The following ERBB4 variants were observed in gnomAD, a reference collection of about 807,000 sequenced individuals.
ERBB4 encodes the protein erb-b2 receptor tyrosine kinase 4.
ERBB4 carries 42 observed loss-of-function variants against 158.0 expected under a neutral mutation model. That is an observed-to-expected ratio of 0.27 (90% confidence interval 0.21 to 0.34). The LOEUF is 0.34. Ranked by LOEUF, ERBB4 falls within the 10% of genes least tolerant of loss-of-function variation. The pLI, the probability that ERBB4 is intolerant of heterozygous loss-of-function variation, is 1.00. For missense variants in ERBB4, 1,333 were observed against 1,624.1 expected, an observed-to-expected ratio of 0.82 and a Z score of 3.08; for synonymous variants, 583 against 558.7, an observed-to-expected ratio of 1.04 and a Z score of -0.61.
chr2:211,882,589 A>G (rs1178156173), intron 3 of ERBB4, among the ~76,000 whole-genome samples: 1 of 152,208 alleles, frequency 6.6e-6, no homozygotes, highest in African/African-American at 2.4e-5. Context: ...GAGGCACAGC[A>G]ATGTTCTGAA....
chr2:211,749,423 G>A (rs2075064226), intron 5 of ERBB4, among the ~76,000 whole-genome samples: 2 of 151,886 alleles, frequency 1.3e-5, no homozygotes, highest in African/African-American at 2.4e-5. Context: ...TACTTCCTTG[G>A]GTATGCATAA....
intron 3 of ERBB4, among the ~76,000 whole-genome samples, chr2:211,890,473 G>A (rs1357325885): frequency 2.0e-5 from 3 of 151,846 alleles, no homozygotes; most frequent in Admixed American, 6.6e-5. Context: ...ACAGACCATC[G>A]AGACTAGGAA....
intron 25 of ERBB4, among the ~76,000 whole-genome samples, chr2:211,398,076 G>A (rs1232828033): frequency 6.6e-6 from 1 of 150,992 alleles, no homozygotes; most frequent in East Asian, 1.9e-4. Flanking sequence ...TTCTTAAAGT[G>A]AAATGGCCAT....
In ERBB4 at chr2:211,382,019, G is replaced by A. The variant is rs539993385; in HGVS notation, c.*1596C>T. 4.4e-6 allele frequency: 1 copy of A among 229,170 alleles called. No homozygotes were observed. Among genetic ancestry groups the A allele is most frequent in the African/African-American group, 2.2e-5 (1 of 45,214 alleles). 14.2% of individuals were successfully genotyped at this position (229,170 alleles called of 1,614,324 possible). A position where few individuals can be genotyped will look rare whatever the true frequency, so the allele number is the denominator to read the frequency against. On this transcript the variant is annotated 3_prime_UTR_variant, in exon 28 of 28. Transcript: ENST00000342788. ...AATAATGATGGTTCTAGTACTGGAT[G>A]CAGTATATGAAGAAAGGGAATTATA...
chr2:212,417,617 C>A (rs1314449719), intron 1 of ERBB4, among the ~76,000 whole-genome samples: 2 of 152,004 alleles, frequency 1.3e-5, no homozygotes, highest in African/African-American at 2.4e-5. Flanking sequence ...TAATGTCAGT[C>A]TGAAGCATAA....
chr2:211,760,086 C>G (rs1183864870), intron 4 of ERBB4, among the ~76,000 whole-genome samples: 4 of 152,152 alleles, frequency 2.6e-5, no homozygotes, highest in Non-Finnish European at 4.4e-5. Flanking sequence ...GAAAATACCA[C>G]TAATTTCACA....
At chr2:211,738,506 C>G (rs2074683474) in intron 5 of ERBB4, among the ~76,000 whole-genome samples, 1 of 151,402 alleles carries the variant, frequency 6.6e-6, no homozygotes, top group South Asian at 2.1e-4. Flanking sequence ...GTAGCTGGGA[C>G]TACAGGTGTC....
chr2:211,490,821 G>C, intron 20 of ERBB4, among the ~76,000 whole-genome samples: 1 of 152,098 alleles, frequency 6.6e-6, no homozygotes. Flanking sequence ...GGAAGAAAGA[G>C]ACATCTTTGA....
At chr2:211,873,549 T>C (rs2078410958) in intron 3 of ERBB4, among the ~76,000 whole-genome samples, 1 of 152,282 alleles carries the variant, frequency 6.6e-6, no homozygotes, top group South Asian at 2.1e-4. Context: ...TACACCTACA[T>C]ATTTTTTTCC....
intron 5 of ERBB4, among the ~76,000 whole-genome samples, chr2:211,728,098 T>C (rs555353285): frequency 6.6e-6 from 1 of 151,868 alleles, no homozygotes; most frequent in South Asian, 2.1e-4. Flanking sequence ...CACACCTTTG[T>C]ATTGAAGTCT....
intron 1 of ERBB4, among the ~76,000 whole-genome samples, chr2:212,358,429 T>C (rs1007165737): frequency 3.3e-5 from 5 of 151,704 alleles, no homozygotes; most frequent in Admixed American, 1.3e-4. Flanking sequence ...ACTTGTACAG[T>C]AGACAAATAA....
intron 2 of ERBB4, among the ~76,000 whole-genome samples, chr2:212,040,305 A>G (rs1249264045): frequency 1.3e-5 from 2 of 151,798 alleles, no homozygotes; most frequent in African/African-American, 4.8e-5. Context: ...GTGAATAGAA[A>G]AATTTTAGTA....
chr2:211,409,073 C>T (rs1349351644), intron 25 of ERBB4, among the ~76,000 whole-genome samples: 3 of 152,064 alleles, frequency 2.0e-5, no homozygotes, highest in Non-Finnish European at 4.4e-5. Flanking sequence ...GAAGTCTGTA[C>T]CATCTCTTCC....
intron 13 of ERBB4, among the ~76,000 whole-genome samples, chr2:211,678,389 A>C (rs2072186361): frequency 6.6e-6 from 1 of 152,068 alleles, no homozygotes; most frequent in Non-Finnish European, 1.5e-5. Flanking sequence ...AAAATAAAAA[A>C]TATTATTGGG....
intron 25 of ERBB4, among the ~76,000 whole-genome samples, chr2:211,399,462 A>C (rs966902725): frequency 6.6e-6 from 1 of 152,202 alleles, no homozygotes; most frequent in African/African-American, 2.4e-5. Context: ...GTGGAATTTT[A>C]GCATCCCTGA....
At chr2:211,387,571 G>A (rs77695517) in intron 26 of ERBB4, among the ~76,000 whole-genome samples, 5,122 of 152,074 alleles carry the variant, frequency 0.034, 292 homozygotes, top group African/African-American at 0.11. Flanking sequence ...TATTCCCTTC[G>A]AAAATTCTGT....
At chr2:211,868,473 T>C (rs945269696) in intron 3 of ERBB4, among the ~76,000 whole-genome samples, 2 of 152,186 alleles carry the variant, frequency 1.3e-5, no homozygotes, top group Non-Finnish European at 2.9e-5. Context: ...ATAGAATGGC[T>C]CTTATAAACC....
intron 12 of ERBB4, among the ~76,000 whole-genome samples, chr2:211,696,858 C>T (rs1037353802): frequency 5.9e-5 from 9 of 151,858 alleles, no homozygotes; most frequent in Admixed American, 2.0e-4. Flanking sequence ...TTACTAGAGA[C>T]GGGGTTTCAC....
chr2:212,404,856 C>T (rs187582303), intron 1 of ERBB4, among the ~76,000 whole-genome samples: 13 of 151,902 alleles, frequency 8.6e-5, no homozygotes, highest in African/African-American at 2.4e-4. Context: ...TTTGTGCTCA[C>T]GAGTTCTCAT....
Sources: allele counts gnomAD v4.1 joint callset (sites outside exome capture counted in the v4.1 genomes callset), GRCh38; gene constraint gnomAD v4.1.1; transcripts MANE v1.5; gene names NCBI Gene and HGNC (gene_info 2026-07-23, HGNC 2026-07-21).